The following NAA11 variants were observed in gnomAD, a reference collection of about 807,000 sequenced individuals.
NAA11 encodes the protein N-alpha-acetyltransferase 11, NatA catalytic subunit, also known as N-alpha-acetyltransferase 11.
In NAA11, 15 loss-of-function variants were observed where a neutral mutation model predicts 16.1. That is an observed-to-expected ratio of 0.93 (90% CI 0.62 to 1.44). NAA11 has a LOEUF of 1.44. Among genes scored for constraint, NAA11 ranks in the 40% most tolerant of loss-of-function variants. The pLI, the probability that NAA11 is intolerant of heterozygous loss-of-function variation, is 0.00. For synonymous variants in NAA11, 122 were observed against 112.4 expected (o/e 1.09, Z -0.54); for missense variants, 298 against 291.3 (o/e 1.02, Z -0.17).
chr4:79,237,672 G>A (rs1364870664), intron 2 of NAA11, among the ~76,000 whole-genome samples: 2 of 152,038 alleles, frequency 1.3e-5, no homozygotes, highest in African/African-American at 4.8e-5. Flanking sequence ...GTATTACTGA[G>A]GGCAATTTTA....
At chr4:79,275,930 A>G (rs1722637238) in intron 2 of NAA11, among the ~76,000 whole-genome samples, 1 of 152,126 alleles carries the variant, frequency 6.6e-6, no homozygotes, top group Non-Finnish European at 1.5e-5. Flanking sequence ...AAACCTTACA[A>G]AATAGGGGGA....
the NAA11 span, among the ~76,000 whole-genome samples, chr4:79,177,361 C>T: frequency 2.0e-5 from 3 of 149,466 alleles, no homozygotes; most frequent in Non-Finnish European, 3.0e-5. Context: ...TTGTTCTTAT[C>T]TTTGTTAATC....
chr4:79,272,259 T>C (rs1722511513), intron 2 of NAA11, among the ~76,000 whole-genome samples: 1 of 152,056 alleles, frequency 6.6e-6, no homozygotes, highest in Admixed American at 6.6e-5. Flanking sequence ...TACAGATTCA[T>C]ATTTGATGTT....
the NAA11 span, among the ~76,000 whole-genome samples, chr4:79,178,062 G>A: frequency 6.6e-6 from 1 of 152,078 alleles, no homozygotes; most frequent in South Asian, 2.1e-4. Flanking sequence ...AACAAATGAA[G>A]CAAGATATCT....
At chr4:79,219,997 T>C in the NAA11 span, among the ~76,000 whole-genome samples, 1 of 152,232 alleles carries the variant, frequency 6.6e-6, no homozygotes, top group Admixed American at 6.5e-5. Context: ...GAGCTCACCT[T>C]GTACTTTCTT....
the NAA11 span, among the ~76,000 whole-genome samples, chr4:79,187,606 G>C: frequency 1.3e-5 from 2 of 152,032 alleles, no homozygotes; most frequent in African/African-American, 4.8e-5. Flanking sequence ...GTTTTTCTTT[G>C]GGTTTATTGG....
At chr4:79,321,685 CTCATAGGTATTTTCA>C in intron 1 of NAA11, among the ~76,000 whole-genome samples, 3 of 152,286 alleles carry the variant, frequency 2.0e-5, no homozygotes, top group African/African-American at 7.2e-5. Flanking sequence ...ACCAATAAAA[CTCATAGGTATTTTCA>C]TATCACATTA....
In NAA11 at chr4:79,235,959, T is replaced by C. The variant is rs59342806; in HGVS notation, c.*123-9689A>G. On this transcript the variant is annotated intron_variant and NMD_transcript_variant, in intron 2 of 2. Transcript: ENST00000511542. ...CATTATATGGGAATATTACTGGAAG[T>C]TATGAAGTATTTGTCTCCAGGTTCA... Among the ~76,000 whole-genome samples, 850 of 152,140 alleles carry C rather than the reference T, an allele frequency of 5.6e-3. 9 individuals are homozygous for C. The highest frequency in any genetic ancestry group is 0.019 in the African/African-American group (785 of 41,538).
chr4:79,182,769 C>T, the NAA11 span, among the ~76,000 whole-genome samples: 8 of 152,070 alleles, frequency 5.3e-5, no homozygotes, highest in African/African-American at 1.7e-4. Context: ...CGGACAGACA[C>T]GTAATCATTT....
chr4:79,324,055 C>G (rs1252990366), intron 1 of NAA11, among the ~76,000 whole-genome samples: 2 of 151,224 alleles, frequency 1.3e-5, no homozygotes, highest in Admixed American at 6.6e-5. Flanking sequence ...ACTTTTCATG[C>G]TAATTTTCAC....
chr4:79,282,719 T>G (rs1722822046), intron 2 of NAA11, among the ~76,000 whole-genome samples: 1 of 152,088 alleles, frequency 6.6e-6, no homozygotes, highest in South Asian at 2.1e-4. Flanking sequence ...CCAGTGGAAA[T>G]GTCAAGAGGT....
At chr4:79,246,019 G>A (rs924749897) in intron 2 of NAA11, among the ~76,000 whole-genome samples, 2 of 152,178 alleles carry the variant, frequency 1.3e-5, no homozygotes, top group African/African-American at 4.8e-5. Flanking sequence ...ACTCCATTTT[G>A]TTCTGTACTA....
chr4:79,161,979 C>G, the NAA11 span, among the ~76,000 whole-genome samples: 1 of 152,206 alleles, frequency 6.6e-6, no homozygotes, highest in African/African-American at 2.4e-5. Flanking sequence ...CCACACCCGG[C>G]CTACTTAGTT....
chr4:79,167,251 C>A, the NAA11 span, among the ~76,000 whole-genome samples: 24 of 103,568 alleles, frequency 2.3e-4, no homozygotes, highest in African/African-American at 7.7e-4. Flanking sequence ...ACACACACAC[C>A]CACATATATA....
At chr4:79,222,869 A>G (rs1054655427), downstream of NAA11, among the ~76,000 whole-genome samples, 26 of 152,150 alleles carry the variant, frequency 1.7e-4, no homozygotes, top group African/African-American at 5.6e-4. Context: ...GAAGACATCT[A>G]TGCAGCCAAA....
At chr4:79,202,633 A>ATATATATATATATATATATATATATG in the NAA11 span, among the ~76,000 whole-genome samples, 1 of 109,682 alleles carries the variant, frequency 9.1e-6, no homozygotes, top group Non-Finnish European at 2.0e-5. Context: ...TTATATATAT[A>ATATATATATATATATATATATATATG]TATATATATA....
the NAA11 span, among the ~76,000 whole-genome samples, chr4:79,190,027 CAAAA>C: frequency 2.4e-4 from 37 of 151,966 alleles, 1 homozygote; most frequent in African/African-American, 8.4e-4. Context: ...AAAACAAAAA[CAAAA>C]AACCACCCAC....
chr4:79,227,821 TC>T (rs796400974), intron 2 of NAA11: 3 of 152,118 alleles, frequency 2.0e-5, no homozygotes, highest in African/African-American at 4.8e-5. Context: ...AGCAAAAAAC[TC>T]CCTGCTCTTC....
chr4:79,229,058 GT>G (rs1051293204), intron 2 of NAA11, among the ~76,000 whole-genome samples: 1 of 151,624 alleles, frequency 6.6e-6, no homozygotes, highest in African/African-American at 2.4e-5. Context: ...TAGTGCAGAA[GT>G]TTTTTTTACA....
Sources: gnomAD v4.1 joint callset for allele counts (sites outside exome capture counted in the v4.1 genomes callset) on GRCh38, gnomAD v4.1.1 for gene constraint, MANE v1.5 for transcripts, NCBI Gene and HGNC (gene_info 2026-07-23, HGNC 2026-07-21) for gene names.